CDH2: variants seen among roughly 807,000 people sequenced by gnomAD.
CDH2 encodes cadherin-2.
In CDH2, 17 loss-of-function variants were observed where a neutral mutation model predicts 92.0. The ratio of observed to expected loss-of-function variants is 0.18; its 90% CI spans 0.13 to 0.28. The LOEUF is 0.28. Among genes scored for constraint, CDH2 ranks in the 10% least tolerant of loss-of-function variants. CDH2 has a pLI of 1.00. For synonymous variants in CDH2, 419 were observed against 415.9 expected (o/e 1.01, Z -0.09); for missense variants, 862 against 1,133.1 (o/e 0.76, Z 3.44).
At chr18:28,148,241 T>A (rs2016068290) in intron 1 of CDH2, among the ~76,000 whole-genome samples, 1 of 152,174 alleles carries the variant, frequency 6.6e-6, no homozygotes, top group Non-Finnish European at 1.5e-5. Context: ...CCATGTTCAT[T>A]TAAAAATAAA....
At chr18:28,150,227 G>A (rs552194362) in intron 1 of CDH2, among the ~76,000 whole-genome samples, 15 of 152,310 alleles carry the variant, frequency 9.8e-5, no homozygotes, top group Admixed American at 9.2e-4. Context: ...AGGTCAGGCC[G>A]GAGCCCAGAA....
chr18:27,967,564 A>C (rs958514887), intron 14 of CDH2, among the ~76,000 whole-genome samples: 5 of 152,220 alleles, frequency 3.3e-5, no homozygotes, highest in African/African-American at 9.6e-5. Context: ...AAATTCTCTT[A>C]TGATTGCCAA....
intron 1 of CDH2, among the ~76,000 whole-genome samples, chr18:28,172,474 A>T (rs2144372655): frequency 6.6e-6 from 1 of 152,246 alleles, no homozygotes; most frequent in African/African-American, 2.4e-5. Flanking sequence ...GCTCAAATTA[A>T]CTGATGTCTT....
intron 2 of CDH2, among the ~76,000 whole-genome samples, chr18:28,087,368 C>T (rs1387511851): frequency 3.3e-5 from 5 of 152,258 alleles, no homozygotes; most frequent in African/African-American, 1.2e-4. Flanking sequence ...CATGTTCTAA[C>T]GGGAGCAGTA....
At chr18:28,091,564 C>T (rs1468821467) in intron 2 of CDH2, among the ~76,000 whole-genome samples, 2 of 152,142 alleles carry the variant, frequency 1.3e-5, no homozygotes, top group African/African-American at 4.8e-5. Context: ...AAATGATTAA[C>T]TCAAATTATT....
At chr18:28,166,321 C>CAAA (rs944162043) in intron 1 of CDH2, among the ~76,000 whole-genome samples, 2 of 151,664 alleles carry the variant, frequency 1.3e-5, no homozygotes, top group African/African-American at 4.8e-5. Flanking sequence ...ACGCAATCTG[C>CAAA]AAAATAATCC....
Position 27,939,903 on chromosome 18 carries a change from A to G in CDH2, c.1152-6779T>C, listed in dbSNP as rs143443113. On this transcript the variant is annotated intron_variant, in intron 6 of 6. Coordinates refer to the CDH2 transcript ENST00000675173. Reference sequence around the variant, plus strand: ...TCTTCTAGGGTTGCCTCCCAAGGCTAAAACCTTCCTAGGGCTGCACACATC... The same window carrying G: ...TCTTCTAGGGTTGCCTCCCAAGGCTGAAACCTTCCTAGGGCTGCACACATC... 2.2e-3 allele frequency among the ~76,000 whole-genome samples: 340 copies of G among 152,238 alleles called. 4 individuals are homozygous for G. Among genetic ancestry groups the G allele is most frequent in the East Asian group, 0.019 (96 of 5,160 alleles).
rs35340428 is a variant in CDH2 at position 28,007,193 on chromosome 18, T to TAC, written c.703-1202_703-1201dup. Among the ~76,000 whole-genome samples the TAC allele has an allele frequency of 3.3e-3, 475 of 142,176 alleles. 8 individuals are homozygous for TAC. The highest frequency in any genetic ancestry group is 0.012 in the African/African-American group (441 of 37,762). 93.3% of individuals were successfully genotyped at this position (142,176 alleles called of 152,430 possible). A position where few individuals can be genotyped will look rare whatever the true frequency, so the allele number is the denominator to read the frequency against. On this transcript the variant is annotated intron_variant, in intron 5 of 15. Coordinates refer to ENST00000269141, the MANE Select transcript of CDH2 (RefSeq NM_001792.5). ...ATATATATATATATATATATATATA[T>TAC]ACGAGTATATACGATAGCTGTTCCT...
intron 2 of CDH2, among the ~76,000 whole-genome samples, chr18:28,078,307 A>G (rs940645332): frequency 6.6e-6 from 1 of 152,144 alleles, no homozygotes; most frequent in African/African-American, 2.4e-5. Context: ...ATGATTTAAT[A>G]TATATAAGCA....
chr18:28,108,721 T>C (rs2015361716), intron 2 of CDH2, among the ~76,000 whole-genome samples: 1 of 151,980 alleles, frequency 6.6e-6, no homozygotes, highest in African/African-American at 2.4e-5. Context: ...TATCAGGTGT[T>C]ACTAGCCATT....
chr18:28,175,867 G>A, intron 1 of CDH2, among the ~76,000 whole-genome samples: 1 of 152,194 alleles, frequency 6.6e-6, no homozygotes, highest in East Asian at 1.9e-4. Context: ...CAACCTTCGA[G>A]GGACCCCACG....
rs7236316 is a variant in CDH2, at chr18:27,961,118, G to A, written c.2514+2239C>T. On this transcript the variant is annotated intron_variant, in intron 15 of 15. Coordinates refer to ENST00000269141, the MANE Select transcript of CDH2 (RefSeq NM_001792.5). ...TAAACTCAGAATTTGAATGTAATCT[G>A]ACAAGTAGGATGAAAGGCTCTAGAC... Among the ~76,000 whole-genome samples, 184 of 151,890 alleles carry A rather than the reference G, an allele frequency of 1.2e-3. 1 individual carries two copies. The highest frequency in any genetic ancestry group is 4.2e-3 in the African/African-American group (174 of 41,420).
chr18:28,174,243 T>G (rs1354952921), intron 1 of CDH2, among the ~76,000 whole-genome samples: 1 of 151,660 alleles, frequency 6.6e-6, no homozygotes, highest in Non-Finnish European at 1.5e-5. Context: ...AGTCTGGAAT[T>G]TAAAAAAAAA....
At chr18:27,988,200 A>T (rs1312649076) in intron 11 of CDH2, among the ~76,000 whole-genome samples, 1 of 152,200 alleles carries the variant, frequency 6.6e-6, no homozygotes, top group Non-Finnish European at 1.5e-5. Context: ...CAGAGTGACT[A>T]GAAGACATAT....
intron 2 of CDH2, among the ~76,000 whole-genome samples, chr18:28,133,379 C>T (rs1031397773): frequency 1.3e-5 from 2 of 151,592 alleles, no homozygotes; most frequent in Admixed American, 6.6e-5. Context: ...GTCAGGAGAT[C>T]GAGACCATCC....
At chr18:28,131,386 C>T (rs1340722003) in intron 2 of CDH2, among the ~76,000 whole-genome samples, 7 of 152,136 alleles carry the variant, frequency 4.6e-5, no homozygotes, top group Non-Finnish European at 7.4e-5. Flanking sequence ...AAAGAGGTAG[C>T]GAGATCTCAG....
At chr18:28,044,270 C>T (rs993063878) in intron 2 of CDH2, among the ~76,000 whole-genome samples, 17 of 152,176 alleles carry the variant, frequency 1.1e-4, no homozygotes, top group Admixed American at 2.6e-4. Flanking sequence ...GGCAGCTGCG[C>T]TAATTTGCTG....
chr18:28,101,531 A>T (rs2015226922), intron 2 of CDH2, among the ~76,000 whole-genome samples: 1 of 152,166 alleles, frequency 6.6e-6, no homozygotes, highest in Non-Finnish European at 1.5e-5. Context: ...CTGTAACTAC[A>T]CTTGTGATTT....
chr18:28,020,649 G>A (rs1356207199), intron 2 of CDH2, among the ~76,000 whole-genome samples: 1 of 151,752 alleles, frequency 6.6e-6, no homozygotes, highest in African/African-American at 2.4e-5. Flanking sequence ...TTAATATATG[G>A]GCTTTCAAGA....
Sources: gnomAD v4.1 joint callset for allele counts (sites outside exome capture counted in the v4.1 genomes callset) on GRCh38, gnomAD v4.1.1 for gene constraint, MANE v1.5 for transcripts, NCBI Gene and HGNC (gene_info 2026-07-23, HGNC 2026-07-21) for gene names.